The following CHCHD3 variants were observed in gnomAD, a reference collection of about 807,000 sequenced individuals.
The protein encoded by CHCHD3 is coiled-coil-helix-coiled-coil-helix domain containing 3, also known as MICOS complex subunit MIC19.
In CHCHD3, 20 loss-of-function variants were observed where a neutral mutation model predicts 38.2. The observed-to-expected ratio is 0.52, with a 90% CI of 0.37 to 0.76. CHCHD3 has a LOEUF of 0.76. CHCHD3 is among the 30% of genes least tolerant of loss of function. The pLI, the probability that CHCHD3 is intolerant of heterozygous loss-of-function variation, is 0.00. For synonymous variants in CHCHD3, 82 were observed against 100.0 expected (o/e 0.82, Z 1.07); for missense variants, 245 against 279.2 (o/e 0.88, Z 0.87).
chr7:133,029,205 A>G (rs1048206901), intron 2 of CHCHD3, among the ~76,000 whole-genome samples: 2 of 152,222 alleles, frequency 1.3e-5, no homozygotes, highest in East Asian at 1.9e-4. Context: ...AAGGTGAACT[A>G]TGTGATGATT....
At chr7:132,835,901 C>T (rs1807768057) in intron 6 of CHCHD3, among the ~76,000 whole-genome samples, 2 of 152,100 alleles carry the variant, frequency 1.3e-5, no homozygotes, top group Admixed American at 1.3e-4. Context: ...CATGTAGACA[C>T]AAGAGGAAAG....
chr7:132,957,978 G>T (rs985053217), intron 4 of CHCHD3, among the ~76,000 whole-genome samples: 1 of 151,948 alleles, frequency 6.6e-6, no homozygotes, highest in African/African-American at 2.4e-5. Flanking sequence ...TCAACCAATG[G>T]GCCAAATTAT....
At chr7:132,995,289 A>C (rs1308720128) in intron 3 of CHCHD3, among the ~76,000 whole-genome samples, 1 of 152,104 alleles carries the variant, frequency 6.6e-6, no homozygotes, top group African/African-American at 2.4e-5. Context: ...CATCTTGATG[A>C]GTCTAGGAAT....
chr7:133,059,896 T>G (rs1423626779), intron 2 of CHCHD3, among the ~76,000 whole-genome samples: 2 of 152,194 alleles, frequency 1.3e-5, no homozygotes, highest in Non-Finnish European at 2.9e-5. Context: ...GCACCTAACT[T>G]TATAATACGG....
intron 2 of CHCHD3, among the ~76,000 whole-genome samples, chr7:133,029,796 A>G (rs918531282): frequency 9.2e-5 from 14 of 152,086 alleles, no homozygotes; most frequent in African/African-American, 3.4e-4. Flanking sequence ...GTGAGGTGAG[A>G]AAGAGATACA....
rs575208546 is a variant in CHCHD3, at chr7:132,940,319, G to T, written c.369+34850C>A. On this transcript the variant is annotated intron_variant, in intron 4 of 7. Transcript: ENST00000262570. ...CATGTGTGCTAGTCAGACAGTTCAA[G>T]ATTTTAGGTATAACTCAATTATCTG... 3.3e-5 allele frequency among the ~76,000 whole-genome samples: 5 copies of T among 152,312 alleles called. No individual in the cohort carries two copies. The South Asian group carries it at 1.0e-3, about 32-fold the overall frequency.
intron 2 of CHCHD3, among the ~76,000 whole-genome samples, chr7:133,033,317 T>C (rs565142574): frequency 3.3e-5 from 5 of 152,264 alleles, no homozygotes; most frequent in Admixed American, 2.0e-4. Context: ...TGATGGGACA[T>C]TCAGAAGTTA....
chr7:132,970,781 A>G (rs1811593861), intron 4 of CHCHD3, among the ~76,000 whole-genome samples: 1 of 152,086 alleles, frequency 6.6e-6, no homozygotes, highest in Non-Finnish European at 1.5e-5. Context: ...AAAAAAAGAA[A>G]AGAAGAGAAA....
intron 4 of CHCHD3, among the ~76,000 whole-genome samples, chr7:132,898,752 C>G (rs1000759702): frequency 6.6e-6 from 1 of 151,396 alleles, no homozygotes; most frequent in Non-Finnish European, 1.5e-5. Context: ...CCTTGCCCCA[C>G]GGGAAGGCAG....
At chr7:133,072,170 GA>G (rs10555609) in intron 1 of CHCHD3, among the ~76,000 whole-genome samples, 38,834 of 116,928 alleles carry the variant, frequency 0.33, 5,178 homozygotes, top group Middle Eastern at 0.41. Context: ...ACCCTATCTA[GA>G]AAAAAAAAAA....
At chr7:133,040,083 C>T (rs1247538067) in intron 2 of CHCHD3, among the ~76,000 whole-genome samples, 2 of 152,180 alleles carry the variant, frequency 1.3e-5, no homozygotes, top group African/African-American at 2.4e-5. Flanking sequence ...CTTACTAAAA[C>T]GTATGTCCAA....
chr7:132,862,748 G>A (rs1238707709), intron 5 of CHCHD3, among the ~76,000 whole-genome samples: 1 of 152,152 alleles, frequency 6.6e-6, no homozygotes, highest in Non-Finnish European at 1.5e-5. Flanking sequence ...TTAAGTTCAT[G>A]TATTATAATA....
At chr7:133,080,858 A>G (rs1490002451) in intron 1 of CHCHD3, among the ~76,000 whole-genome samples, 2 of 152,184 alleles carry the variant, frequency 1.3e-5, no homozygotes, top group African/African-American at 2.4e-5. Flanking sequence ...AACTGTTAAA[A>G]ATAATTTACA....
intron 5 of CHCHD3, among the ~76,000 whole-genome samples, chr7:132,865,594 T>C (rs1220671373): frequency 6.6e-6 from 1 of 152,182 alleles, no homozygotes; most frequent in Non-Finnish European, 1.5e-5. Context: ...CAGTTACTAT[T>C]GTTACTGCTT....
intron 4 of CHCHD3, among the ~76,000 whole-genome samples, chr7:132,917,423 T>C (rs1810134944): frequency 6.6e-6 from 1 of 152,244 alleles, no homozygotes; most frequent in African/African-American, 2.4e-5. Context: ...ACTAAGTATC[T>C]GTATTATACA....
chr7:133,062,636 G>A (rs1347621260), intron 2 of CHCHD3, among the ~76,000 whole-genome samples: 1 of 152,158 alleles, frequency 6.6e-6, no homozygotes, highest in South Asian at 2.1e-4. Context: ...CTTTAAAACA[G>A]CGTCTTTTTT....
Position 132,838,453 on chromosome 7 carries a change from C to A in CHCHD3, c.470G>T (p.Arg157Ile), listed in dbSNP as rs138444161. ...RLEERSSEFYRVTTEQYQKAA... is the reference protein window; with the variant it reads ...RLEERSSEFYIVTTEQYQKAA... ...TTTCTGATATTGTTCAGTGGTGACT[C>A]TGTAGAACTCTGAGCTCTGTGGACA... is the stretch of plus-strand genomic sequence containing the variant. The change falls in exon 6 of 8, where the codon AGA becomes ATA. Residue 157 changes from arginine to isoleucine, a missense_variant. Physicochemically the swap from Arg to Ile is moderately conservative, Grantham distance 97 (BLOSUM62 -3). Coordinates refer to ENST00000262570, the MANE Select transcript of CHCHD3 (RefSeq NM_017812.4). 16 of 1,612,130 alleles carry A rather than the reference C, an allele frequency of 9.9e-6. No homozygotes were observed. The African/African-American group carries it at 2.1e-4, about 21-fold the overall frequency.
intron 5 of CHCHD3, among the ~76,000 whole-genome samples, chr7:132,871,931 G>A (rs1438328135): frequency 1.3e-5 from 2 of 152,076 alleles, no homozygotes; most frequent in Non-Finnish European, 2.9e-5. Flanking sequence ...CAAAAATAAA[G>A]TTGGGGAAAA....
intron 6 of CHCHD3, among the ~76,000 whole-genome samples, chr7:132,798,288 A>T (rs139333910): frequency 2.3e-3 from 355 of 152,324 alleles, no homozygotes; most frequent in Non-Finnish European, 2.3e-3. Context: ...TGCTTTGTCA[A>T]ATACCTAAGA....
Sources: allele counts gnomAD v4.1 joint callset (sites outside exome capture counted in the v4.1 genomes callset), GRCh38; gene constraint gnomAD v4.1.1; transcripts MANE v1.5; gene names NCBI Gene and HGNC (gene_info 2026-07-23, HGNC 2026-07-21).